MPHOSPH8: variants seen among roughly 807,000 people sequenced by gnomAD.
MPHOSPH8 encodes the protein M-phase phosphoprotein 8, also known as M-phase phosphoprotein, mpp.
In MPHOSPH8, 45 loss-of-function variants were observed where a neutral mutation model predicts 87.3. The ratio of observed to expected loss-of-function variants is 0.52; its 90% CI spans 0.41 to 0.66. MPHOSPH8 has a LOEUF of 0.66. MPHOSPH8 is among the 30% of genes least tolerant of loss of function. MPHOSPH8 has a pLI of 0.00. For missense variants in MPHOSPH8, 883 were observed against 1,020.2 expected (o/e 0.87, Z 1.83); for synonymous variants, 366 against 376.9 (o/e 0.97, Z 0.33).
chr13:19,633,986 G>T, intron 1 of MPHOSPH8, 25 bp downstream of exon 1: 1 of 1,591,202 alleles, frequency 6.3e-7, no homozygotes. Context: ...CCCGGCGCGG[G>T]GCTGGGCGGG....
At position 19,652,453 on chromosome 13, in the gene MPHOSPH8, C is replaced by A. The variant is rs528117742; in HGVS notation, c.1576+2193C>A. On this transcript the variant is annotated intron_variant, in intron 5 of 13. Coordinates refer to ENST00000361479, the MANE Select transcript of MPHOSPH8 (RefSeq NM_017520.4). The stretch of plus-strand genomic sequence containing the variant: ...CAACTCACAGACCAGGAGATTCCCT[C>A]TGGTGGCTATGCCGCCAGGGCCCTG... Among the ~76,000 whole-genome samples the A allele has an allele frequency of 6.6e-5, 10 of 152,340 alleles. No homozygotes were observed. The East Asian group carries it at 1.9e-3, about 29-fold the overall frequency.
rs140082352 is a variant in MPHOSPH8, at chr13:19,670,973, C to G, written c.2458-233C>G. Reference sequence around the variant, plus strand: ...TACCTGGGACTAAAAATGCACGCCACCACATCCGGCTAATTTTTTGTATTT... The same window carrying G: ...TACCTGGGACTAAAAATGCACGCCAGCACATCCGGCTAATTTTTTGTATTT... On this transcript the variant is annotated intron_variant, in intron 12 of 13. Transcript: ENST00000361479. 1.6e-5 allele frequency: 17 copies of G among 1,093,364 alleles called. No individual in the cohort carries two copies. The Admixed American group carries it at 4.5e-4, about 29-fold the overall frequency. The allele number at this position is 1,093,364 out of a possible 1,614,324, so 67.7% of individuals were successfully genotyped here.
rs1222144468 is a variant in MPHOSPH8 at position 19,673,287 on chromosome 13, GT to G, written c.*1416del. On this transcript the variant is annotated 3_prime_UTR_variant, in exon 14 of 14. Coordinates refer to ENST00000361479, the MANE Select transcript of MPHOSPH8 (RefSeq NM_017520.4). ...CTGGGTTATGGAGAAGTTGAAAATT[GT>G]TTTGTTCCTCATTAGTTTATAATTG... The G allele has an allele frequency of 5.5e-6, 2 of 364,150 alleles. No homozygotes were observed. Among genetic ancestry groups the G allele is most frequent in the African/African-American group, 4.3e-5 (2 of 46,702 alleles). 22.6% of individuals were successfully genotyped at this position (364,150 alleles called of 1,614,324 possible). A position where few individuals can be genotyped will look rare whatever the true frequency, so the allele number is the denominator to read the frequency against.
At chr13:19,647,376 A>T in intron 3 of MPHOSPH8, 85 bp downstream of exon 3, 2 of 1,239,714 alleles carry the variant, frequency 1.6e-6, no homozygotes, top group Non-Finnish European at 2.2e-6. Context: ...GTCAAGCTAT[A>T]AGAAAGTGTT....
At chr13:19,665,175 T>C (rs1459821249) in intron 9 of MPHOSPH8, among the ~76,000 whole-genome samples, 1 of 152,122 alleles carries the variant, frequency 6.6e-6, no homozygotes, top group Non-Finnish European at 1.5e-5. Flanking sequence ...GTAGCACTTA[T>C]TTATTTTACT....
rs959966484 is a variant in MPHOSPH8, at chr13:19,659,193, C to A, written c.1703-8C>A. 1.9e-6 allele frequency: 3 copies of A among 1,607,328 alleles called. No individual in the cohort carries two copies. In the African/African-American group the frequency reaches 4.0e-5, roughly 22 times the overall value. ...ATAAAATCTAACTTATTTTTTCTTT[C>A]ATTTTAGATGTGTTAAGGGATGCTG... On this transcript the variant is annotated splice_polypyrimidine_tract_variant and splice_region_variant and intron_variant, in intron 6 of 13. Coordinates refer to ENST00000361479, the MANE Select transcript of MPHOSPH8 (RefSeq NM_017520.4).
rs1409001743 is a variant in MPHOSPH8 at position 19,648,434 on chromosome 13, A to C, written c.1231A>C (p.Lys411Gln). 6.3e-7 allele frequency: 1 copy of C among 1,591,200 alleles called. No homozygotes were observed. Among genetic ancestry groups the C allele is most frequent in the East Asian group, 2.3e-5 (1 of 43,774 alleles). The change falls in exon 4 of 14, where the codon AAA becomes CAA. Residue 411 changes from lysine to glutamine, a missense_variant. Physicochemically the swap from Lys to Gln is moderately conservative, Grantham distance 53. Around this residue, in one of 3 missense-constraint regions of MPHOSPH8, gnomAD observed 741 missense variants for 841.5 expected, o/e 0.88. Transcript: ENST00000361479. Reference sequence around the variant, plus strand: ...ATGTCATTTTCAGGACAAAGAAACCAAAAGAAATGAATCCAAAGAAAAATA... The same window carrying C: ...ATGTCATTTTCAGGACAAAGAAACCCAAAGAAATGAATCCAAAGAAAAATA... The part of the protein sequence containing the change: ...TDSAEEDKET[K>Q]RNESKEKYQK...
chr13:19,672,805 A>T lies in MPHOSPH8; in HGVS notation c.*930A>T. The T allele has an allele frequency of 3.6e-6, 1 of 275,204 alleles. No homozygotes were observed. 17.0% of individuals were successfully genotyped at this position (275,204 alleles called of 1,614,324 possible). ...CTATGAGACCTAAAAGAGAGTATTA[A>T]ATGTGAACTTTTAGCAGAGCGTGGT... On this transcript the variant is annotated 3_prime_UTR_variant, in exon 14 of 14. Coordinates refer to ENST00000361479, the MANE Select transcript of MPHOSPH8 (RefSeq NM_017520.4).
Position 19,671,146 on chromosome 13 carries a change from T to G in MPHOSPH8, c.2458-60T>G. The G allele has an allele frequency of 1.9e-6, 3 of 1,583,854 alleles. No individual in the cohort carries two copies. In the South Asian group the frequency reaches 3.5e-5, roughly 18 times the overall value. On this transcript the variant is annotated intron_variant, in intron 12 of 13. Transcript: ENST00000361479. Reference sequence around the variant, plus strand: ...TATGATTCTTTTACATCATTGGTGTTTTAAGGGCTTCTGGTGTAAGTTTGA... The same window carrying G: ...TATGATTCTTTTACATCATTGGTGTGTTAAGGGCTTCTGGTGTAAGTTTGA...
rs1394893273 is a variant in MPHOSPH8, at chr13:19,633,758, G to A, written c.10G>A (p.Val4Ile). 2 of 1,596,474 alleles carry A rather than the reference G, an allele frequency of 1.3e-6. No homozygotes were observed. Among genetic ancestry groups the A allele is most frequent in the Non-Finnish European group, 1.7e-6 (2 of 1,172,292 alleles). Residue 4 changes from valine (V) to isoleucine (I), a missense_variant, in exon 1 of 14, where the codon GTT becomes ATT. By Grantham distance (29) the Val-to-Ile change is conservative. This residue lies in a region of MPHOSPH8 where 103 missense variants were observed against 96.3 expected (regional missense o/e 1.07). Transcript: ENST00000361479. MEQ[V>I]AEGARVTAVP... ...TTGCGGAGCTGCTAGGATGGAGCAG[G>A]TTGCGGAGGGAGCAAGGGTGACCGC...
At chr13:19,668,356 C>G (rs201254827) in intron 10 of MPHOSPH8, 21 bp from the exon 11 acceptor site, 1 of 1,606,740 alleles carries the variant, frequency 6.2e-7, no homozygotes, top group Non-Finnish European at 8.5e-7. Context: ...AACGTTAACA[C>G]GTACTATTTT....
chr13:19,646,481 T>C lies in MPHOSPH8; in HGVS notation c.408T>C (p.Ser136=), dbSNP rs1874569096. The C allele has an allele frequency of 6.5e-7, 1 of 1,549,516 alleles. No homozygotes were observed. Among genetic ancestry groups the C allele is most frequent in the Admixed American group, 2.4e-5 (1 of 41,846 alleles). ...SLNNDIFEAN[S]DSDQQSETKE... ...ATAACGACATATTTGAGGCGAACTC[T>C]GATAGCGATCAGCAAAGTGAGACAA... The change falls in exon 3 of 14, where the codon TCT becomes TCC. Residue 136 remains serine (S), a synonymous_variant. Transcript: ENST00000361479.
intron 2 of MPHOSPH8, among the ~76,000 whole-genome samples, chr13:19,643,179 G>T (rs1874386769): frequency 6.6e-6 from 1 of 152,120 alleles, no homozygotes; most frequent in South Asian, 2.1e-4. Context: ...CGGAAAGATA[G>T]GTAAAATCTA....
chr13:19,642,145 G>A lies in MPHOSPH8; in HGVS notation c.244G>A (p.Gly82Ser), dbSNP rs769283060. 1.9e-6 allele frequency: 3 copies of A among 1,600,236 alleles called. No individual in the cohort carries two copies. In the South Asian group the frequency reaches 3.4e-5, roughly 18 times the overall value. ...AGTTCTTTACAAAGTTCGCTGGAAAGGCTATACATCGGATGATGATACCTG... is the reference window on the plus strand; with the variant it reads ...AGTTCTTTACAAAGTTCGCTGGAAAAGCTATACATCGGATGATGATACCTG... ...GKVLYKVRWK[G>S]YTSDDDTWEP... The change falls in exon 2 of 14, where the codon GGC (glycine) becomes AGC (serine). Residue 82 changes from glycine to serine, a missense_variant. Physicochemically the swap from Gly to Ser is moderately conservative, Grantham distance 56. Around this residue, in one of 3 missense-constraint regions of MPHOSPH8, gnomAD observed 39 missense variants for 82.4 expected, o/e 0.47. Coordinates refer to ENST00000361479, the MANE Select transcript of MPHOSPH8 (RefSeq NM_017520.4).
intron 11 of MPHOSPH8, among the ~76,000 whole-genome samples, chr13:19,668,993 G>A (rs1315202569): frequency 1.3e-5 from 2 of 152,132 alleles, no homozygotes; most frequent in Non-Finnish European, 2.9e-5. Context: ...TACACGTGGC[G>A]CCAGGTAGAC....
At chr13:19,658,347 T>C (rs1875312970) in intron 5 of MPHOSPH8, among the ~76,000 whole-genome samples, 1 of 151,846 alleles carries the variant, frequency 6.6e-6, no homozygotes. Context: ...CATTGTGAAT[T>C]ACTCCCAAAT....
chr13:19,645,294 G>A (rs1384153416), intron 2 of MPHOSPH8, among the ~76,000 whole-genome samples: 2 of 152,162 alleles, frequency 1.3e-5, no homozygotes, highest in African/African-American at 2.4e-5. Context: ...AGGCCTGTGT[G>A]GTAGGGACTT....
chr13:19,634,277 A>G (rs796176465), intron 1 of MPHOSPH8, among the ~76,000 whole-genome samples: 6 of 152,274 alleles, frequency 3.9e-5, no homozygotes, highest in African/African-American at 1.4e-4. Context: ...CTTTGGCGTG[A>G]TATGATAGTG....
In MPHOSPH8 at chr13:19,672,393, C is replaced by A. The variant is rs1876184101; in HGVS notation, c.*518C>A. 6.5e-6 allele frequency: 1 copy of A among 152,938 alleles called. No homozygotes were observed. The highest frequency in any genetic ancestry group is 2.0e-4 in the South Asian group (1 of 4,898). 9.5% of individuals were successfully genotyped at this position (152,938 alleles called of 1,614,324 possible). On this transcript the variant is annotated 3_prime_UTR_variant, in exon 14 of 14. Transcript: ENST00000361479. ...TCCTGACCTCAGGTGATCCGCCCGC[C>A]TCGGCCTCCCAAAGTGCTTGGATTA...
Sources: gnomAD v4.1 joint callset for allele counts (sites outside exome capture counted in the v4.1 genomes callset) on GRCh38, gnomAD v4.1.1 for gene constraint, gnomAD v4.1.1 regional missense constraint, MANE v1.5 for transcripts, NCBI Gene and HGNC (gene_info 2026-07-23, HGNC 2026-07-21) for gene names.